METTL21C: variants seen among roughly 807,000 people sequenced by gnomAD.
METTL21C encodes the protein protein-lysine methyltransferase METTL21C.
METTL21C carries 21 observed loss-of-function variants against 25.9 expected under a neutral mutation model. The ratio of observed to expected loss-of-function variants is 0.81; its 90% confidence interval spans 0.58 to 1.17. The LOEUF is 1.17. Among genes scored for constraint, METTL21C ranks in the 50% most tolerant of loss-of-function variants. The probability of loss-of-function intolerance (pLI) is 0.00; values close to 1 mark genes in which losing one functional copy is unlikely to be tolerated. For synonymous variants in METTL21C, 125 were observed against 124.7 expected, an observed-to-expected ratio of 1.00 and a Z score of -0.01; for missense variants, 312 against 315.1, an observed-to-expected ratio of 0.99 and a Z score of 0.07.
rs748890238 is a variant in METTL21C, at chr13:102,687,071, A to G, written c.283-14T>C. 3.1e-6 allele frequency: 5 copies of G among 1,595,092 alleles called. No homozygotes were observed. Among genetic ancestry groups the G allele is most frequent in the Admixed American group, 1.7e-5 (1 of 59,938 alleles). ...CAAAGCCATAGCCTAAAAAATAATT[A>G]TAACTTTTCATGTGGGCATTGGAAC... is the stretch of plus-strand genomic sequence containing the variant. On this transcript the variant is annotated splice_polypyrimidine_tract_variant and intron_variant, in intron 2 of 3. Transcript: ENST00000267273.
chr13:102,692,061 G>T (rs893240880), intron 1 of METTL21C, among the ~76,000 whole-genome samples: 5 of 152,164 alleles, frequency 3.3e-5, no homozygotes, highest in African/African-American at 9.7e-5. Context: ...GGGGAGGAAG[G>T]TCAGTTTTGT....
chr13:102,698,345 C>A (rs1015167061), upstream of METTL21C, among the ~76,000 whole-genome samples: 8 of 152,136 alleles, frequency 5.3e-5, 1 homozygote, highest in African/African-American at 1.7e-4. Flanking sequence ...TTGCAGCACA[C>A]GCAGCATGGA....
intron 3 of METTL21C, 129 bp from the exon 4 acceptor site, chr13:102,686,554 T>G: frequency 9.0e-7 from 1 of 1,109,370 alleles, no homozygotes; most frequent in South Asian, 1.7e-5. Context: ...CTGGACATGT[T>G]TGACCTAATG....
At position 102,686,432 on chromosome 13, in the gene METTL21C, G is replaced by A. The variant is rs941996891; in HGVS notation, c.401-7C>T. ...GTTGCTGTGACTTGAGCTCCTAAGAGAAAAAGAAAACAATGACCTGGAAAC... is the reference window on the plus strand; with the variant it reads ...GTTGCTGTGACTTGAGCTCCTAAGAAAAAAAGAAAACAATGACCTGGAAAC... On this transcript the variant is annotated splice_region_variant and splice_polypyrimidine_tract_variant and intron_variant, in intron 3 of 3. Transcript: ENST00000267273. 2 of 1,599,348 alleles carry A rather than the reference G, an allele frequency of 1.3e-6. No homozygotes were observed. The highest frequency in any genetic ancestry group is 1.7e-6 in the Non-Finnish European group (2 of 1,173,702).
intron 1 of METTL21C, among the ~76,000 whole-genome samples, chr13:102,691,866 T>C (rs1885837270): frequency 6.6e-6 from 1 of 152,174 alleles, no homozygotes; most frequent in Non-Finnish European, 1.5e-5. Flanking sequence ...TCAGATGGCA[T>C]ATAAAATGAG....
chr13:102,700,418 G>T, the METTL21C span, among the ~76,000 whole-genome samples: 2 of 152,092 alleles, frequency 1.3e-5, no homozygotes, highest in Non-Finnish European at 2.9e-5. Context: ...TCCCCTCAAA[G>T]AAATTTTATT....
upstream of METTL21C, among the ~76,000 whole-genome samples, chr13:102,696,984 G>T (rs560857462): frequency 1.1e-3 from 175 of 152,254 alleles, no homozygotes; most frequent in African/African-American, 4.0e-3. Flanking sequence ...AAGTGCAGCC[G>T]GTGAAAAGGA....
rs556213148 is a variant in METTL21C, at chr13:102,692,443, T to C, written c.131-1479A>G. On this transcript the variant is annotated intron_variant, in intron 1 of 3. Coordinates refer to ENST00000267273, the MANE Select transcript of METTL21C (RefSeq NM_001010977.3). ...AGAAACAGTCACAACCATTTGACGA[T>C]GCCTGTTGAATCTAACTACAAACAA... is the stretch of plus-strand genomic sequence containing the variant. Among the ~76,000 whole-genome samples, 48 of 152,344 alleles carry C rather than the reference T, an allele frequency of 3.2e-4. 1 individual carries two copies. In the South Asian group the frequency reaches 9.9e-3, roughly 32 times the overall value.
chr13:102,702,174 A>T, the METTL21C span, among the ~76,000 whole-genome samples: 1 of 150,168 alleles, frequency 6.7e-6, no homozygotes, highest in Non-Finnish European at 1.5e-5. Context: ...AAAAAAAAAA[A>T]GTGTGTGTGT....
rs147035797 is a variant in METTL21C at position 102,688,085 on chromosome 13, A to G, written c.283-1028T>C. ...TGAGGAACGTGAACACTGAGATTTA[A>G]AAAACAATGAACTCTATAATTTACT... On this transcript the variant is annotated intron_variant, in intron 2 of 3. Transcript: ENST00000267273. Among the ~76,000 whole-genome samples, 166 of 152,358 alleles carry G rather than the reference A, an allele frequency of 1.1e-3. 3 individuals carry two copies. In the East Asian group the frequency reaches 0.029, roughly 27 times the overall value.
At chr13:102,698,383 A>G (rs675828), upstream of METTL21C, among the ~76,000 whole-genome samples, 73,506 of 152,002 alleles carry the variant, frequency 0.48, 18,027 homozygotes, top group East Asian at 0.56. Context: ...TCTCTGACGC[A>G]CTTCCTTGTT....
chr13:102,685,879 A>C lies in METTL21C; in HGVS notation c.*152T>G, dbSNP rs1221787049. ...ATCTTAAATTATCTTAGAAATTAGA[A>C]AGTTTCTGCAGTATTGTTACATTTG... On this transcript the variant is annotated 3_prime_UTR_variant, in exon 4 of 4. Transcript: ENST00000267273. 1.6e-6 allele frequency: 1 copy of C among 613,186 alleles called. No homozygotes were observed. The highest frequency in any genetic ancestry group is 1.9e-5 in the African/African-American group (1 of 53,716). The allele number at this position is 613,186 out of a possible 1,614,324, so 38.0% of individuals were successfully genotyped here.
the METTL21C span, among the ~76,000 whole-genome samples, chr13:102,702,143 G>T: frequency 3.3e-5 from 5 of 150,790 alleles, no homozygotes; most frequent in Non-Finnish European, 7.4e-5. Context: ...CAGTCTAGGT[G>T]ACAGAGCAAG....
At chr13:102,687,155 A>G in intron 2 of METTL21C, 98 bp from the exon 3 acceptor site, 2 of 841,112 alleles carry the variant, frequency 2.4e-6, no homozygotes, top group Non-Finnish European at 4.0e-6. Context: ...AAGACATGTT[A>G]TTACATATGT....
chr13:102,686,535 G>A lies in METTL21C; in HGVS notation c.401-110C>T, dbSNP rs1022058687. 6 of 1,299,348 alleles carry A rather than the reference G, an allele frequency of 4.6e-6. No homozygotes were observed. In the African/African-American group the frequency reaches 9.0e-5, roughly 19 times the overall value. 80.5% of individuals were successfully genotyped at this position (1,299,348 alleles called of 1,614,324 possible). On this transcript the variant is annotated intron_variant, in intron 3 of 3. Transcript: ENST00000267273. ...GGATTCCTTAGCCTTGGCTCTATTG[G>A]TGGGTGGGCTGGACATGTTTGACCT...
In METTL21C at chr13:102,686,948, C is replaced by T. The variant is rs779526864; in HGVS notation, c.392G>A (p.Ser131Asn). The T allele has an allele frequency of 1.2e-6, 2 of 1,613,322 alleles. No homozygotes were observed. Among genetic ancestry groups the T allele is most frequent in the East Asian group, 2.2e-5 (1 of 44,876 alleles). ...GGAATAAACAAACAAACCTAAAATA[C>T]TGGCCACAATGGAAACAAGGCCTGG... ...AGPGLVSIVASILGAQVTATD... is the reference protein window; with the variant it reads ...AGPGLVSIVANILGAQVTATD... The change falls in exon 3 of 4, where the codon AGT (serine) becomes AAT (asparagine). Residue 131 changes from serine to asparagine, a missense_variant. Physicochemically the swap from Ser to Asn is conservative, Grantham distance 46. Transcript: ENST00000267273.
chr13:102,703,575 T>A, the METTL21C span, among the ~76,000 whole-genome samples: 1 of 152,184 alleles, frequency 6.6e-6, no homozygotes, highest in Non-Finnish European at 1.5e-5. Context: ...GCGCTTCTGT[T>A]AAAGGAAACA....
chr13:102,694,118 T>C (rs1885891697), intron 1 of METTL21C, among the ~76,000 whole-genome samples: 2 of 151,644 alleles, frequency 1.3e-5, no homozygotes, highest in African/African-American at 2.4e-5. Flanking sequence ...CTTAGATCTA[T>C]ACATAGAAAA....
chr13:102,701,168 G>A, the METTL21C span, among the ~76,000 whole-genome samples: 5 of 152,076 alleles, frequency 3.3e-5, no homozygotes, highest in African/African-American at 1.2e-4. Context: ...AGGCCATGCT[G>A]TCAAGGTTTG....
Sources: gnomAD v4.1 joint callset for allele counts (sites outside exome capture counted in the v4.1 genomes callset) on GRCh38, gnomAD v4.1.1 for gene constraint, MANE v1.5 for transcripts, NCBI Gene and HGNC (gene_info 2026-07-23, HGNC 2026-07-21) for gene names.